Variants in AP2B1 observed in about 807,000 individuals in gnomAD.
AP2B1 encodes adaptor related protein complex 2 subunit beta 1, also known as AP-2 complex subunit beta.
In AP2B1, 23 loss-of-function variants were observed where a neutral mutation model predicts 102.0. The observed-to-expected ratio is 0.23, with a 90% CI of 0.16 to 0.32. The LOEUF (loss-of-function observed/expected upper bound fraction) is 0.32. AP2B1 is among the 10% of genes least tolerant of loss of function. The pLI, the probability that AP2B1 is intolerant of heterozygous loss-of-function variation, is 1.00. For missense variants in AP2B1, 541 were observed against 1,157.4 expected (o/e 0.47, Z 7.73); for synonymous variants, 381 against 421.2 (o/e 0.90, Z 1.17).
chr17:35,647,364 A>G (rs1480334886), intron 12 of AP2B1, among the ~76,000 whole-genome samples: 1 of 152,162 alleles, frequency 6.6e-6, no homozygotes, highest in Non-Finnish European at 1.5e-5. Context: ...ATAAACACTT[A>G]GGAGCAAATT....
intron 12 of AP2B1, among the ~76,000 whole-genome samples, chr17:35,648,967 T>A (rs966326413): frequency 3.3e-5 from 5 of 152,152 alleles, no homozygotes; most frequent in Non-Finnish European, 7.4e-5. Flanking sequence ...AAAACCACCA[T>A]AGCACAAAAC....
intron 5 of AP2B1, among the ~76,000 whole-genome samples, chr17:35,620,598 T>A (rs1205864123): frequency 2.6e-5 from 4 of 152,200 alleles, no homozygotes; most frequent in Non-Finnish European, 4.4e-5. Context: ...GAGGATTATT[T>A]GAGACCAGGA....
rs980716116 is a variant in AP2B1 at position 35,697,042 on chromosome 17, TAACA to T, written c.2455-12177_2455-12174del. Reference sequence around the variant, plus strand: ...ACTAAGCAAGGCTATCTCTTCATCTTAACAAACAGAGTATCCCTAAACACAGCCT... The same window carrying T: ...ACTAAGCAAGGCTATCTCTTCATCTTAACAGAGTATCCCTAAACACAGCCT... On this transcript the variant is annotated intron_variant, in intron 18 of 21. Coordinates refer to ENST00000610402, the MANE Select transcript of AP2B1 (RefSeq NM_001030006.2). Among the ~76,000 whole-genome samples, 10 of 152,220 alleles carry T rather than the reference TAACA, an allele frequency of 6.6e-5. No homozygotes were observed. In the East Asian group the frequency reaches 7.7e-4, roughly 12 times the overall value.
chr17:35,636,953 A>C (rs2074624170), intron 10 of AP2B1, among the ~76,000 whole-genome samples: 1 of 152,250 alleles, frequency 6.6e-6, no homozygotes, highest in African/African-American at 2.4e-5. Context: ...AGAACATGTA[A>C]CATTATCAGT....
At chr17:35,611,516 A>T (rs2073865653) in intron 5 of AP2B1, among the ~76,000 whole-genome samples, 1 of 152,190 alleles carries the variant, frequency 6.6e-6, no homozygotes. Context: ...CTCAAGTAGC[A>T]CATTTAGAGA....
chr17:35,602,238 G>A (rs1027826769), intron 3 of AP2B1, among the ~76,000 whole-genome samples: 2 of 152,010 alleles, frequency 1.3e-5, no homozygotes, highest in African/African-American at 4.8e-5. Context: ...GAAAAATTAG[G>A]GAAAAATAAA....
At chr17:35,654,775 G>T (rs770389749) in intron 13 of AP2B1, among the ~76,000 whole-genome samples, 10 of 151,990 alleles carry the variant, frequency 6.6e-5, no homozygotes, top group Non-Finnish European at 1.2e-4. Flanking sequence ...GGAATTCACA[G>T]TGAAGCCCTC....
At chr17:35,717,153 G>T in intron 20 of AP2B1, 42 bp from the exon 21 acceptor site, 1 of 1,606,080 alleles carries the variant, frequency 6.2e-7, no homozygotes, top group Non-Finnish European at 8.5e-7. Context: ...ATTTGTTTGA[G>T]ATTTTAACTG....
At chr17:35,692,608 A>G (rs1460531513) in intron 18 of AP2B1, among the ~76,000 whole-genome samples, 1 of 152,226 alleles carries the variant, frequency 6.6e-6, no homozygotes, top group Non-Finnish European at 1.5e-5. Flanking sequence ...CCCTGCTCTC[A>G]TTCATGTTTA....
chr17:35,673,141 A>T (rs1161773389), intron 16 of AP2B1, among the ~76,000 whole-genome samples: 1 of 152,096 alleles, frequency 6.6e-6, no homozygotes, highest in African/African-American at 2.4e-5. Flanking sequence ...CATTATCATG[A>T]TTATTCACCA....
chr17:35,641,089 C>T (rs2074766778), intron 11 of AP2B1, among the ~76,000 whole-genome samples: 1 of 152,150 alleles, frequency 6.6e-6, no homozygotes, highest in Non-Finnish European at 1.5e-5. Context: ...ATGTACAAGT[C>T]AATAGCTTTG....
At chr17:35,673,893 G>A (rs2075643499) in intron 16 of AP2B1, among the ~76,000 whole-genome samples, 1 of 152,292 alleles carries the variant, frequency 6.6e-6, no homozygotes, top group African/African-American at 2.4e-5. Flanking sequence ...AAGCTGAACA[G>A]AAGGTAGAGC....
At chr17:35,684,895 A>G (rs1731939171) in intron 18 of AP2B1, among the ~76,000 whole-genome samples, 1 of 152,216 alleles carries the variant, frequency 6.6e-6, no homozygotes, top group African/African-American at 2.4e-5. Flanking sequence ...TGAAAAGAAA[A>G]AAAAGAAAAG....
intron 17 of AP2B1, among the ~76,000 whole-genome samples, chr17:35,677,860 G>GTT (rs35198677): frequency 1.6e-5 from 2 of 127,970 alleles, no homozygotes; most frequent in African/African-American, 2.9e-5. Flanking sequence ...ATAGTAAATA[G>GTT]TTTTTTTTTT....
chr17:35,707,703 T>TC (rs2076372978), intron 18 of AP2B1, among the ~76,000 whole-genome samples: 1 of 151,986 alleles, frequency 6.6e-6, no homozygotes, highest in Non-Finnish European at 1.5e-5. Context: ...TCTGCCTGCC[T>TC]CATCCTCCCA....
intron 5 of AP2B1, chr17:35,621,231 C>T: frequency 1.2e-6 from 1 of 809,742 alleles, no homozygotes; most frequent in Non-Finnish European, 1.5e-6. Context: ...TCTCTAGCCA[C>T]CCAGTTGCTG....
intron 5 of AP2B1, among the ~76,000 whole-genome samples, chr17:35,614,616 G>T (rs1006838012): frequency 3.4e-5 from 4 of 119,092 alleles, no homozygotes; most frequent in African/African-American, 9.8e-5. Context: ...GTGCTTCATT[G>T]TTCTGTCCTC....
chr17:35,627,698 C>T lies in AP2B1; in HGVS notation c.1127C>T (p.Ala376Val). The change falls in exon 9 of 22, where the codon GCC becomes GTC. Residue 376 changes from alanine (A) to valine (V), a missense_variant. Around this residue, in one of 10 missense-constraint regions of AP2B1, gnomAD observed 106 missense variants for 296.4 expected, o/e 0.36. Transcript: ENST00000610402. ...GACTTTGTTCGAAAAGCTGTGCGGG[C>T]CATTGGACGGTGTGCCATCAAGGTG... The part of the protein sequence containing the change: ...DVDFVRKAVR[A>V]IGRCAIKVEQ... The T allele has an allele frequency of 6.2e-7, 1 of 1,614,062 alleles. No individual in the cohort carries two copies.
intron 9 of AP2B1, among the ~76,000 whole-genome samples, chr17:35,629,137 C>T (rs771902972): frequency 1.4e-4 from 21 of 152,078 alleles, no homozygotes; most frequent in Non-Finnish European, 2.4e-4. Flanking sequence ...TTAGTAGAGA[C>T]GAGGTTCGCC....
Sources: allele counts gnomAD v4.1 joint callset (sites outside exome capture counted in the v4.1 genomes callset), GRCh38; gene constraint gnomAD v4.1.1; regional missense constraint gnomAD v4.1.1; transcripts MANE v1.5; gene names NCBI Gene and HGNC (gene_info 2026-07-23, HGNC 2026-07-21).